The following RASAL2 variants were observed in gnomAD, a reference collection of about 807,000 sequenced individuals.
The protein encoded by RASAL2 is RAS protein activator like 2, also known as ras GTPase-activating protein nGAP.
In RASAL2, 58 loss-of-function variants were observed where a neutral mutation model predicts 128.9. The observed-to-expected ratio is 0.45, with a 90% CI of 0.36 to 0.56. The LOEUF is 0.56. Among genes scored for constraint, RASAL2 ranks in the 20% least tolerant of loss-of-function variants. The probability of loss-of-function intolerance (pLI) is 0.00; values close to 1 mark genes in which losing one functional copy is unlikely to be tolerated. For synonymous variants in RASAL2, 561 were observed against 580.8 expected, an observed-to-expected ratio of 0.97 and a Z score of 0.49; for missense variants, 1,360 against 1,601.6, an observed-to-expected ratio of 0.85 and a Z score of 2.57.
intron 3 of RASAL2, among the ~76,000 whole-genome samples, chr1:178,348,026 T>A (rs987915955): frequency 6.6e-6 from 1 of 152,224 alleles, no homozygotes; most frequent in Non-Finnish European, 1.5e-5. Context: ...CAAATGTATG[T>A]TGAGCATGAA....
chr1:178,395,344 G>C (rs1673148174), intron 4 of RASAL2, among the ~76,000 whole-genome samples: 1 of 152,088 alleles, frequency 6.6e-6, no homozygotes, highest in Admixed American at 6.6e-5. Context: ...TGTTACCTGT[G>C]AATATGAGTG....
intron 1 of RASAL2, among the ~76,000 whole-genome samples, chr1:178,229,267 A>G (rs1250375894): frequency 6.6e-6 from 1 of 152,202 alleles, no homozygotes; most frequent in East Asian, 1.9e-4. Context: ...TAATTAGATA[A>G]TGGCCTAACC....
At chr1:178,247,827 C>T (rs12034757) in intron 1 of RASAL2, among the ~76,000 whole-genome samples, 13,268 of 152,184 alleles carry the variant, frequency 0.087, 620 homozygotes, top group Middle Eastern at 0.14. Flanking sequence ...TCGTTATTTA[C>T]GCAGTAGTCA....
intron 5 of RASAL2, among the ~76,000 whole-genome samples, chr1:178,427,211 G>A (rs1030631303): frequency 5.9e-5 from 9 of 152,126 alleles, no homozygotes; most frequent in African/African-American, 2.2e-4. Context: ...ACTCTGTGAT[G>A]TTTCTGCCTT....
chr1:178,457,930 T>C lies in RASAL2; in HGVS notation c.2638T>C (p.Ser880Pro), dbSNP rs752205854. ...TATACGCTTGACCGGAAGCCAGCTT[T>C]CCATAACCCAGGTGGCCAGCATCAA... ...VPIRLTGSQL[S>P]ITQVASIKQL... is the part of the protein sequence containing the mutation. Residue 880 changes from serine to proline, a missense_variant, in exon 14 of 18, where the codon TCC (serine) becomes CCC (proline). Physicochemically the swap from Ser to Pro is moderately conservative, Grantham distance 74 (BLOSUM62 -1). This residue lies in a region of RASAL2 where 741 missense variants were observed against 868.6 expected (regional missense o/e 0.85). Coordinates refer to ENST00000367649, the MANE Select transcript of RASAL2 (RefSeq NM_170692.4). 3 of 1,614,110 alleles carry C rather than the reference T, an allele frequency of 1.9e-6. No homozygotes were observed. The highest frequency in any genetic ancestry group is 2.5e-6 in the Non-Finnish European group (3 of 1,180,038).
At chr1:178,271,103 T>G (rs1666230092) in intron 1 of RASAL2, among the ~76,000 whole-genome samples, 1 of 152,176 alleles carries the variant, frequency 6.6e-6, no homozygotes, top group South Asian at 2.1e-4. Context: ...GGCGAGAGGA[T>G]CTTGGTACTC....
intron 1 of RASAL2, among the ~76,000 whole-genome samples, chr1:178,181,141 TTG>T (rs905932371): frequency 8.5e-5 from 13 of 152,228 alleles, no homozygotes; most frequent in African/African-American, 3.1e-4. Context: ...AACCAGCTTT[TTG>T]TGTTACTAAC....
chr1:178,464,451 A>C, intron 15 of RASAL2, 39 bp downstream of exon 15: 3 of 1,604,604 alleles, frequency 1.9e-6, no homozygotes, highest in Non-Finnish European at 2.6e-6. Context: ...CTGATCCCAA[A>C]ATGACAGGCC....
intron 3 of RASAL2, among the ~76,000 whole-genome samples, chr1:178,369,570 G>C (rs1046435988): frequency 1.3e-5 from 2 of 152,184 alleles, no homozygotes; most frequent in Admixed American, 6.5e-5. Flanking sequence ...CAAATTCATA[G>C]GGCTGGATTA....
chr1:178,357,505 C>G (rs1670874131), intron 3 of RASAL2, among the ~76,000 whole-genome samples: 1 of 151,940 alleles, frequency 6.6e-6, no homozygotes, highest in South Asian at 2.1e-4. Flanking sequence ...ATGTTTTTCT[C>G]TTACTGATAT....
chr1:178,205,536 C>A (rs1004290672), intron 1 of RASAL2, among the ~76,000 whole-genome samples: 1 of 151,932 alleles, frequency 6.6e-6, no homozygotes, highest in Non-Finnish European at 1.5e-5. Flanking sequence ...GTGGGCTGAT[C>A]ACGACGTCAG....
intron 3 of RASAL2, among the ~76,000 whole-genome samples, chr1:178,323,527 A>G (rs538402897): frequency 7.2e-5 from 11 of 152,198 alleles, no homozygotes; most frequent in Admixed American, 2.0e-4. Context: ...AATCACAACT[A>G]TTGGTTTTGA....
At chr1:178,174,734 G>T (rs566899289) in intron 1 of RASAL2, among the ~76,000 whole-genome samples, 70 of 152,156 alleles carry the variant, frequency 4.6e-4, no homozygotes, top group African/African-American at 1.6e-3. Flanking sequence ...AAACAGTGTA[G>T]AGTGTTCATG....
intron 1 of RASAL2, among the ~76,000 whole-genome samples, chr1:178,096,044 AC>A (rs1012469241): frequency 2.0e-5 from 3 of 152,144 alleles, no homozygotes; most frequent in Non-Finnish European, 2.9e-5. Flanking sequence ...GGAGTGGGAG[AC>A]GATGCAAGGT....
chr1:178,330,353 A>T (rs1213730734), intron 3 of RASAL2, among the ~76,000 whole-genome samples: 1 of 152,216 alleles, frequency 6.6e-6, no homozygotes. Context: ...AAATTATTTC[A>T]CTAAAGTATT....
In RASAL2 at chr1:178,442,692, T is replaced by A. The variant is rs1308902164; in HGVS notation, c.945T>A (p.Ala315=). The stretch of plus-strand genomic sequence containing the variant: ...CTTTATAGGACAATTGCAGGCGAGC[T>A]GAAAATGTTCTTCGTTTATGGATCA... ...VQPNKDNCRR[A]ENVLRLWIIE... The change falls in exon 8 of 18, where the codon GCT becomes GCA. Residue 315 remains alanine (A), a synonymous_variant. Coordinates refer to ENST00000367649, the MANE Select transcript of RASAL2 (RefSeq NM_170692.4). 2 of 1,605,404 alleles carry A rather than the reference T, an allele frequency of 1.2e-6. No homozygotes were observed. The highest frequency in any genetic ancestry group is 3.4e-5 in the Admixed American group (2 of 58,676).
chr1:178,142,447 G>A, intron 1 of RASAL2, among the ~76,000 whole-genome samples: 1 of 152,290 alleles, frequency 6.6e-6, no homozygotes, highest in East Asian at 1.9e-4. Flanking sequence ...CTGCAACTAA[G>A]TTGGCTGTCT....
At chr1:178,169,976 A>G (rs1661651890) in intron 1 of RASAL2, among the ~76,000 whole-genome samples, 1 of 152,006 alleles carries the variant, frequency 6.6e-6, no homozygotes, top group Admixed American at 6.6e-5. Context: ...GATTATGAAT[A>G]CATTTATTTC....
chr1:178,201,767 A>C (rs1662880700), intron 1 of RASAL2, among the ~76,000 whole-genome samples: 1 of 152,222 alleles, frequency 6.6e-6, no homozygotes, highest in Non-Finnish European at 1.5e-5. Context: ...AACTGATAGA[A>C]GCCTACGGCA....
Sources: allele counts gnomAD v4.1 joint callset (sites outside exome capture counted in the v4.1 genomes callset), GRCh38; gene constraint gnomAD v4.1.1; regional missense constraint gnomAD v4.1.1; transcripts MANE v1.5; gene names NCBI Gene and HGNC (gene_info 2026-07-23, HGNC 2026-07-21).